Variants in RBFOX1 observed in about 807,000 individuals in gnomAD.
RBFOX1 encodes the protein RNA binding fox-1 homolog 1.
A neutral mutation model predicts 57.7 loss-of-function variants in RBFOX1; 8 were observed. That is an observed-to-expected ratio of 0.14 (90% confidence interval 0.08 to 0.25). RBFOX1 has a LOEUF of 0.25. Ranked by LOEUF, RBFOX1 falls within the 10% of genes least tolerant of loss-of-function variation. The pLI, the probability that RBFOX1 is intolerant of heterozygous loss-of-function variation, is 1.00. For synonymous variants in RBFOX1, 326 were observed against 222.4 expected (o/e 1.47, Z -4.15); for missense variants, 611 against 548.5 (o/e 1.11, Z -1.14).
intron 2 of RBFOX1, among the ~76,000 whole-genome samples, chr16:6,391,744 G>A (rs2092612842): frequency 6.6e-6 from 1 of 152,064 alleles, no homozygotes; most frequent in African/African-American, 2.4e-5. Context: ...CCAGATGGAT[G>A]GGCAGGGAGA....
At chr16:6,137,290 A>G (rs1597668514) in intron 1 of RBFOX1, among the ~76,000 whole-genome samples, 1 of 152,140 alleles carries the variant, frequency 6.6e-6, no homozygotes, top group Non-Finnish European at 1.5e-5. Context: ...TATATTATTT[A>G]TCTTTCACAG....
At chr16:6,530,365 G>C (rs114185951) in intron 2 of RBFOX1, among the ~76,000 whole-genome samples, 5,232 of 152,250 alleles carry the variant, frequency 0.034, 260 homozygotes, top group African/African-American at 0.11. Flanking sequence ...AGCTGAGCTT[G>C]AGCCAGTTTG....
At chr16:6,101,980 G>C (rs899934960) in intron 1 of RBFOX1, among the ~76,000 whole-genome samples, 1 of 152,044 alleles carries the variant, frequency 6.6e-6, no homozygotes, top group African/African-American at 2.4e-5. Context: ...GATTGCTTTG[G>C]CTTGATCACA....
chr16:7,031,614 G>C (rs1333015591), intron 3 of RBFOX1, among the ~76,000 whole-genome samples: 1 of 148,166 alleles, frequency 6.7e-6, no homozygotes, highest in Non-Finnish European at 1.5e-5. Flanking sequence ...AAAAAAGAAA[G>C]AAAAGAAAAG....
At chr16:5,747,603 T>G (rs2053036754) in intron 3 of RBFOX1, among the ~76,000 whole-genome samples, 2 of 152,192 alleles carry the variant, frequency 1.3e-5, no homozygotes, top group Non-Finnish European at 2.9e-5. Context: ...CCTGGTTTAG[T>G]CTTGGGAGGG....
chr16:5,364,044 C>T (rs1434283144), intron 1 of RBFOX1, among the ~76,000 whole-genome samples: 1 of 152,206 alleles, frequency 6.6e-6, no homozygotes, highest in African/African-American at 2.4e-5. Flanking sequence ...CCTTCTCTCC[C>T]TCAGCGATTC....
At chr16:7,348,191 A>G (rs1436198877) in intron 4 of RBFOX1, among the ~76,000 whole-genome samples, 1 of 152,252 alleles carries the variant, frequency 6.6e-6, no homozygotes, top group Non-Finnish European at 1.5e-5. Context: ...AGATATATGC[A>G]TATACCACAT....
intron 4 of RBFOX1, among the ~76,000 whole-genome samples, chr16:7,250,542 C>T (rs1325213194): frequency 1.3e-5 from 2 of 152,218 alleles, no homozygotes; most frequent in African/African-American, 4.8e-5. Context: ...TATCCCCTCC[C>T]TCCAAGAAAG....
At chr16:6,176,870 A>T (rs1379970106) in intron 1 of RBFOX1, among the ~76,000 whole-genome samples, 1 of 152,148 alleles carries the variant, frequency 6.6e-6, no homozygotes, top group Non-Finnish European at 1.5e-5. Flanking sequence ...GCAAGCATTC[A>T]TGGAGGCTGT....
intron 4 of RBFOX1, among the ~76,000 whole-genome samples, chr16:5,895,087 G>A (rs2058132857): frequency 6.6e-6 from 1 of 152,178 alleles, no homozygotes; most frequent in African/African-American, 2.4e-5. Context: ...CTGAGAGAGA[G>A]TGAATCACTT....
chr16:7,622,517 A>T (rs770326303), intron 10 of RBFOX1, among the ~76,000 whole-genome samples: 35 of 152,366 alleles, frequency 2.3e-4, no homozygotes, highest in African/African-American at 7.9e-4. Flanking sequence ...AACAATAAAT[A>T]GTCAAGGAAC....
At chr16:6,755,769 CT>C (rs1366978871) in intron 3 of RBFOX1, among the ~76,000 whole-genome samples, 3 of 152,156 alleles carry the variant, frequency 2.0e-5, no homozygotes, top group Non-Finnish European at 4.4e-5. Context: ...CTTTGGCCTT[CT>C]TTTTTCTTCT....
chr16:6,073,013 G>T (rs1396345778), intron 1 of RBFOX1, among the ~76,000 whole-genome samples: 1 of 152,190 alleles, frequency 6.6e-6, no homozygotes, highest in Non-Finnish European at 1.5e-5. Flanking sequence ...ATATTCTTAT[G>T]TGAAAGGCTA....
chr16:5,858,714 C>T (rs931738691), intron 3 of RBFOX1, among the ~76,000 whole-genome samples: 1 of 152,176 alleles, frequency 6.6e-6, no homozygotes, highest in Non-Finnish European at 1.5e-5. Flanking sequence ...GACATTTATT[C>T]ATTGGACATG....
chr16:6,552,843 A>G (rs1034235955), intron 2 of RBFOX1, among the ~76,000 whole-genome samples: 1 of 152,180 alleles, frequency 6.6e-6, no homozygotes, highest in African/African-American at 2.4e-5. Flanking sequence ...AATATATAAT[A>G]TAGAGTATGT....
intron 4 of RBFOX1, among the ~76,000 whole-genome samples, chr16:7,399,953 A>T (rs1215429156): frequency 6.6e-6 from 1 of 152,218 alleles, no homozygotes; most frequent in Non-Finnish European, 1.5e-5. Context: ...ATGACTATGT[A>T]CCAGGCATTG....
chr16:6,513,018 C>T (rs566695269), intron 2 of RBFOX1, among the ~76,000 whole-genome samples: 1 of 152,296 alleles, frequency 6.6e-6, no homozygotes. Context: ...TCGATGTCTC[C>T]TTCCCACTGT....
intron 4 of RBFOX1, among the ~76,000 whole-genome samples, chr16:7,205,291 G>T (rs753700954): frequency 8.5e-5 from 13 of 152,098 alleles, no homozygotes; most frequent in Admixed American, 6.5e-5. Flanking sequence ...GCTGAGGCAG[G>T]CAGATCACTT....
intron 1 of RBFOX1, among the ~76,000 whole-genome samples, chr16:5,326,759 A>C (rs555097605): frequency 3.0e-4 from 46 of 152,336 alleles, no homozygotes; most frequent in African/African-American, 1.0e-3. Context: ...GATGTCTGGC[A>C]ATGAATGGAG....
Sources: gnomAD v4.1 joint callset for allele counts (sites outside exome capture counted in the v4.1 genomes callset) on GRCh38, gnomAD v4.1.1 for gene constraint, MANE v1.5 for transcripts, NCBI Gene and HGNC (gene_info 2026-07-23, HGNC 2026-07-21) for gene names.